The following NRXN3 variants were observed in gnomAD, a reference collection of about 807,000 sequenced individuals.
NRXN3 encodes neurexin III.
In NRXN3, 32 loss-of-function variants were observed where a neutral mutation model predicts 137.6. The ratio of observed to expected loss-of-function variants is 0.23; its 90% CI spans 0.18 to 0.31. NRXN3 has a LOEUF of 0.31. Ranked by LOEUF, NRXN3 falls within the 10% of genes least tolerant of loss-of-function variation. The pLI is 1.00. For missense variants in NRXN3, 1,574 were observed against 2,062.5 expected (o/e 0.76, Z 4.59); for synonymous variants, 798 against 784.5 (o/e 1.02, Z -0.29).
At chr14:78,351,166 T>C (rs1157144825) in intron 4 of NRXN3, among the ~76,000 whole-genome samples, 1 of 152,206 alleles carries the variant, frequency 6.6e-6, no homozygotes, top group Admixed American at 6.5e-5. Context: ...CAAATTGTTC[T>C]ACATAGTGTT....
At chr14:79,652,281 G>A (rs2153973395) in intron 16 of NRXN3, among the ~76,000 whole-genome samples, 3 of 152,206 alleles carry the variant, frequency 2.0e-5, no homozygotes, top group Middle Eastern at 3.4e-3. Flanking sequence ...CCTTCGTCAT[G>A]TTAATGAACA....
intron 4 of NRXN3, among the ~76,000 whole-genome samples, chr14:78,448,733 G>T: frequency 6.6e-6 from 1 of 152,218 alleles, no homozygotes; most frequent in East Asian, 1.9e-4. Context: ...TGGGCATTCT[G>T]ATGGGTAGCT....
At chr14:78,380,257 C>T (rs1325554939) in intron 4 of NRXN3, among the ~76,000 whole-genome samples, 1 of 146,804 alleles carries the variant, frequency 6.8e-6, no homozygotes, top group African/African-American at 2.5e-5. Context: ...GCCGAGATTG[C>T]GCCACTGCAG....
intron 19 of NRXN3, among the ~76,000 whole-genome samples, chr14:79,726,262 C>G (rs972768089): frequency 6.6e-6 from 1 of 152,126 alleles, no homozygotes; most frequent in African/African-American, 2.4e-5. Flanking sequence ...AAATGTTTCT[C>G]TCCGATTTAG....
intron 16 of NRXN3, among the ~76,000 whole-genome samples, chr14:79,585,779 G>A (rs977026078): frequency 6.7e-6 from 1 of 150,134 alleles, no homozygotes; most frequent in Non-Finnish European, 1.5e-5. Flanking sequence ...GTTTGTTTAA[G>A]TTTTTGGGAG....
At chr14:79,068,457 C>T (rs895741472) in intron 15 of NRXN3, among the ~76,000 whole-genome samples, 10 of 152,056 alleles carry the variant, frequency 6.6e-5, no homozygotes, top group Admixed American at 4.6e-4. Context: ...CTACTTAATT[C>T]TCTAGACCAT....
chr14:78,320,750 G>GA (rs2079236466), intron 4 of NRXN3, among the ~76,000 whole-genome samples: 1 of 152,200 alleles, frequency 6.6e-6, no homozygotes, highest in African/African-American at 2.4e-5. Context: ...TTTATCCAGT[G>GA]AGAGAGCTGC....
intron 15 of NRXN3, among the ~76,000 whole-genome samples, chr14:79,292,597 C>T (rs747722819): frequency 3.3e-5 from 5 of 152,194 alleles, no homozygotes; most frequent in Non-Finnish European, 7.3e-5. Flanking sequence ...ACTTCCTCAC[C>T]CTTATCAGAT....
Position 79,574,597 on chromosome 14 carries a change from G to A in NRXN3, c.3445-89181G>A, listed in dbSNP as rs553863118. Among the ~76,000 whole-genome samples, 6 of 152,150 alleles carry A rather than the reference G, an allele frequency of 3.9e-5. No homozygotes were observed. The South Asian group carries it at 1.0e-3, about 26-fold the overall frequency. ...AGGAGGCCTCAGTTCTTCTACCCATGGGCCTCTCCACAGAGCTGCTTGAGT... is the reference window on the plus strand; with the variant it reads ...AGGAGGCCTCAGTTCTTCTACCCATAGGCCTCTCCACAGAGCTGCTTGAGT... On this transcript the variant is annotated intron_variant, in intron 16 of 20. Transcript: ENST00000335750.
chr14:79,790,142 T>G (rs772644919), intron 19 of NRXN3, among the ~76,000 whole-genome samples: 14 of 152,050 alleles, frequency 9.2e-5, no homozygotes, highest in Non-Finnish European at 1.8e-4. Context: ...ACTAAATAAT[T>G]TATAGAGAAA....
At chr14:79,472,133 G>T (rs1239369596) in intron 16 of NRXN3, among the ~76,000 whole-genome samples, 1 of 152,088 alleles carries the variant, frequency 6.6e-6, no homozygotes, top group African/African-American at 2.4e-5. Flanking sequence ...AAAGATGATG[G>T]CCTCCAGCTC....
intron 4 of NRXN3, among the ~76,000 whole-genome samples, chr14:78,411,703 T>C (rs1345418635): frequency 1.3e-5 from 2 of 152,180 alleles, no homozygotes; most frequent in Non-Finnish European, 2.9e-5. Context: ...TGCTCATACG[T>C]ATACATGTAA....
intron 12 of NRXN3, among the ~76,000 whole-genome samples, 181 bp from the exon 13 acceptor site, chr14:78,967,027 T>G (rs2099418885): frequency 6.6e-6 from 1 of 152,176 alleles, no homozygotes; most frequent in African/African-American, 2.4e-5. Flanking sequence ...GGAATTATAG[T>G]GAAGCATGAT....
At chr14:78,741,316 C>T (rs756581718) in intron 8 of NRXN3, among the ~76,000 whole-genome samples, 18 of 152,080 alleles carry the variant, frequency 1.2e-4, no homozygotes, top group Non-Finnish European at 2.1e-4. Flanking sequence ...ATGATGGAAG[C>T]GAAGAACGAA....
intron 4 of NRXN3, among the ~76,000 whole-genome samples, chr14:78,441,487 C>A (rs1468987643): frequency 6.6e-6 from 1 of 152,108 alleles, no homozygotes; most frequent in Non-Finnish European, 1.5e-5. Flanking sequence ...TCTGTGCTTC[C>A]GATTCCTTGG....
chr14:79,522,298 A>T (rs1480465505), intron 16 of NRXN3, among the ~76,000 whole-genome samples: 1 of 152,056 alleles, frequency 6.6e-6, no homozygotes, highest in Non-Finnish European at 1.5e-5. Flanking sequence ...GCAGAGTGGT[A>T]TGAAGCAAGA....
intron 19 of NRXN3, among the ~76,000 whole-genome samples, chr14:79,751,412 C>G (rs1387323003): frequency 1.2e-4 from 18 of 150,054 alleles, no homozygotes; most frequent in Admixed American, 4.0e-4. Flanking sequence ...GATTTTTGTA[C>G]ATTGATTTTG....
At chr14:78,829,079 A>G (rs1013024750) in intron 10 of NRXN3, among the ~76,000 whole-genome samples, 7 of 152,140 alleles carry the variant, frequency 4.6e-5, no homozygotes, top group African/African-American at 1.7e-4. Flanking sequence ...TGGAAGATAC[A>G]TACTTGGTGT....
At chr14:78,302,611 G>A (rs774661825) in intron 4 of NRXN3, among the ~76,000 whole-genome samples, 1 of 152,124 alleles carries the variant, frequency 6.6e-6, no homozygotes, top group Admixed American at 6.5e-5. Context: ...TGCATTCTCT[G>A]TAGCATATGT....
Sources: gnomAD v4.1 joint callset for allele counts (sites outside exome capture counted in the v4.1 genomes callset) on GRCh38, gnomAD v4.1.1 for gene constraint, MANE v1.5 for transcripts, NCBI Gene and HGNC (gene_info 2026-07-23, HGNC 2026-07-21) for gene names.